Variants in LGSN observed in about 807,000 individuals in gnomAD.
LGSN encodes the protein lengsin.
Under a neutral mutation model 19.5 loss-of-function variants are expected in LGSN, and 21 were observed. That is an observed-to-expected ratio of 1.07 (90% CI 0.76 to 1.55). LGSN has a LOEUF of 1.55. Among genes scored for constraint, LGSN ranks in the 40% most tolerant of loss-of-function variants. The pLI, the probability that LGSN is intolerant of heterozygous loss-of-function variation, is 0.00. For synonymous variants in LGSN, 257 were observed against 215.6 expected (o/e 1.19, Z -1.68); for missense variants, 673 against 608.5 (o/e 1.11, Z -1.12).
the LGSN span, among the ~76,000 whole-genome samples, chr6:63,505,565 A>AAAAGAAAGAAAGAGAAAG: frequency 6.8e-5 from 4 of 58,674 alleles, no homozygotes; most frequent in African/African-American, 3.5e-4. Context: ...AAAAAAAAAA[A>AAAAGAAAGAAAGAGAAAG]AAAGAAAGAA....
the LGSN span, among the ~76,000 whole-genome samples, chr6:63,447,639 T>A: frequency 5.2e-3 from 786 of 152,282 alleles, 5 homozygotes; most frequent in South Asian, 0.024. Flanking sequence ...CTATAAGGAG[T>A]CAAAATAACT....
At chr6:63,526,568 G>C in the LGSN span, among the ~76,000 whole-genome samples, 2 of 151,678 alleles carry the variant, frequency 1.3e-5, no homozygotes, top group African/African-American at 2.4e-5. Flanking sequence ...CCAGTACTTT[G>C]GGAGACCGAG....
At chr6:63,362,070 G>A in the LGSN span, among the ~76,000 whole-genome samples, 33 of 152,296 alleles carry the variant, frequency 2.2e-4, no homozygotes, top group African/African-American at 7.9e-4. Context: ...TTCTTCAGAG[G>A]CAGTAACATG....
the LGSN span, chr6:63,441,398 C>T: frequency 2.2e-6 from 1 of 462,272 alleles, no homozygotes; most frequent in Non-Finnish European, 4.3e-6. Context: ...GCTGAAGAAC[C>T]TGAAGTGGCT....
the LGSN span, among the ~76,000 whole-genome samples, chr6:63,374,378 G>A: frequency 6.6e-6 from 1 of 152,116 alleles, no homozygotes; most frequent in Non-Finnish European, 1.5e-5. Flanking sequence ...AAATTTTGTT[G>A]ACAGTGCTTC....
chr6:63,512,925 T>C, the LGSN span, among the ~76,000 whole-genome samples: 1 of 152,212 alleles, frequency 6.6e-6, no homozygotes, highest in Non-Finnish European at 1.5e-5. Context: ...TTCTCCGTAC[T>C]AAAGCAGAGA....
the LGSN span, among the ~76,000 whole-genome samples, chr6:63,524,675 A>C: frequency 1.3e-5 from 2 of 152,250 alleles, no homozygotes; most frequent in East Asian, 3.8e-4. Context: ...CCAAAGCAAA[A>C]GAGAAATGCA....
the LGSN span, among the ~76,000 whole-genome samples, chr6:63,390,216 T>G: frequency 3.5e-5 from 5 of 141,612 alleles, no homozygotes; most frequent in African/African-American, 1.3e-4. Context: ...TGCAACCTCC[T>G]TCTTCCAGGG....
rs573199835 is a variant in LGSN at position 63,307,849 on chromosome 6, A to G, written c.30+12065T>C. ...TATTCCCTTATCTAAGAAGCTCCAG[A>G]TTCTAAACACAATAAAATAGGGGAA... On this transcript the variant is annotated intron_variant, in intron 1 of 3. Transcript: ENST00000370657. Among the ~76,000 whole-genome samples the G allele has an allele frequency of 3.9e-5, 6 of 152,318 alleles. No individual in the cohort carries two copies. In the South Asian group the frequency reaches 1.2e-3, roughly 32 times the overall value.
At chr6:63,456,424 T>C in the LGSN span, among the ~76,000 whole-genome samples, 1 of 134,040 alleles carries the variant, frequency 7.5e-6, no homozygotes, top group Non-Finnish European at 1.6e-5. Flanking sequence ...GAGACGAGGG[T>C]CTGCCTATGT....
At chr6:63,324,301 T>C (rs979861972), upstream of LGSN, among the ~76,000 whole-genome samples, 4 of 151,704 alleles carry the variant, frequency 2.6e-5, no homozygotes, top group African/African-American at 9.8e-5. Flanking sequence ...TTGAGTTCTA[T>C]AGGAAACACT....
At chr6:63,295,757 T>A (rs1767958616) in intron 1 of LGSN, among the ~76,000 whole-genome samples, 1 of 152,176 alleles carries the variant, frequency 6.6e-6, no homozygotes. Context: ...AGGCACAGGC[T>A]GGTGCTGGGG....
the LGSN span, among the ~76,000 whole-genome samples, chr6:63,403,002 C>A: frequency 6.6e-6 from 1 of 152,026 alleles, no homozygotes; most frequent in Admixed American, 6.6e-5. Context: ...CCAACCTACC[C>A]TGTAGATTTT....
At chr6:63,518,772 T>C in the LGSN span, among the ~76,000 whole-genome samples, 1 of 152,152 alleles carries the variant, frequency 6.6e-6, no homozygotes, top group African/African-American at 2.4e-5. Flanking sequence ...TAATCATAAA[T>C]GTACCTGGGA....
At chr6:63,551,652 C>T in the LGSN span, among the ~76,000 whole-genome samples, 22 of 152,152 alleles carry the variant, frequency 1.4e-4, no homozygotes, top group Non-Finnish European at 2.9e-4. Flanking sequence ...TTGTCGTTTA[C>T]ATTAGTTATA....
chr6:63,369,769 C>A, the LGSN span, among the ~76,000 whole-genome samples: 1 of 152,076 alleles, frequency 6.6e-6, no homozygotes, highest in Non-Finnish European at 1.5e-5. Context: ...GCCTATAATC[C>A]TAGCACTTTG....
chr6:63,502,940 A>C, the LGSN span, among the ~76,000 whole-genome samples: 1 of 152,246 alleles, frequency 6.6e-6, no homozygotes, highest in Non-Finnish European at 1.5e-5. Context: ...CATCAGTAAG[A>C]ATCTATGAAT....
chr6:63,467,803 T>C, the LGSN span, among the ~76,000 whole-genome samples: 1 of 152,178 alleles, frequency 6.6e-6, no homozygotes, highest in Admixed American at 6.6e-5. Flanking sequence ...GTGATCCTCC[T>C]GCCTCAGACC....
the LGSN span, among the ~76,000 whole-genome samples, chr6:63,560,867 A>G: frequency 3.3e-5 from 5 of 152,330 alleles, no homozygotes; most frequent in South Asian, 1.0e-3. Context: ...TTAGAGTAGC[A>G]TTAGTCTGGG....
Sources: allele counts gnomAD v4.1 joint callset (sites outside exome capture counted in the v4.1 genomes callset), GRCh38; gene constraint gnomAD v4.1.1; transcripts MANE v1.5; gene names NCBI Gene and HGNC (gene_info 2026-07-23, HGNC 2026-07-21).